PAX5: variants seen among roughly 807,000 people sequenced by gnomAD.
PAX5 encodes paired box protein Pax-5.
A neutral mutation model predicts 43.7 loss-of-function variants in PAX5; 9 were observed. The ratio of observed to expected loss-of-function variants is 0.21; its 90% confidence interval spans 0.12 to 0.36. The LOEUF is 0.36. Among genes scored for constraint, PAX5 ranks in the 10% least tolerant of loss-of-function variants. The pLI, the probability that PAX5 is intolerant of heterozygous loss-of-function variation, is 1.00. For synonymous variants in PAX5, 228 were observed against 214.3 expected (o/e 1.06, Z -0.56); for missense variants, 383 against 532.7 (o/e 0.72, Z 2.77).
intron 4 of PAX5, among the ~76,000 whole-genome samples, chr9:37,003,154 T>TAAAACAAAAAAA (rs1838067638): frequency 1.3e-5 from 1 of 75,848 alleles, no homozygotes; most frequent in South Asian, 6.3e-4. Flanking sequence ...AGTCAGTGCT[T>TAAAACAAAAAAA]AAAAAAAAAA....
At position 36,899,962 on chromosome 9, in the gene PAX5, G is replaced by A. The variant is rs1299013357; in HGVS notation, c.911-17857C>T. Among the ~76,000 whole-genome samples, 2 of 152,212 alleles carry A rather than the reference G, an allele frequency of 1.3e-5. 1 individual carries two copies. The highest frequency in any genetic ancestry group is 2.9e-5 in the Non-Finnish European group (2 of 68,048). On this transcript the variant is annotated intron_variant, in intron 7 of 9. Transcript: ENST00000358127. ...TGCCTCAAATCCTGTGGAAATGGAT[G>A]GGCTATGGGAGATAACTGGCTGGAA...
At chr9:36,859,596 G>A (rs73648140) in intron 8 of PAX5, among the ~76,000 whole-genome samples, 5,091 of 152,110 alleles carry the variant, frequency 0.033, 91 homozygotes, top group Middle Eastern at 0.051. Flanking sequence ...CTCCCTCCCC[G>A]GCTCCTCACC....
intron 5 of PAX5, among the ~76,000 whole-genome samples, chr9:36,994,339 C>T (rs969424852): frequency 6.6e-6 from 1 of 152,232 alleles, no homozygotes; most frequent in Non-Finnish European, 1.5e-5. Flanking sequence ...TTGGGCCAAG[C>T]CTGCGCCCTC....
At position 37,034,072 on chromosome 9, in the gene PAX5, T is replaced by C. The variant is rs769806229; in HGVS notation, c.-41A>G. On this transcript the variant is annotated 5_prime_UTR_variant, in exon 1 of 10. Transcript: ENST00000358127. ...CTTGATGGAATGGACAGGGAAAAGT[T>C]TCCACTTTTTTGTGCCTTTTTTTTT... 2 of 1,216,358 alleles carry C rather than the reference T, an allele frequency of 1.6e-6. No homozygotes were observed. The highest frequency in any genetic ancestry group is 2.4e-5 in the East Asian group (1 of 42,538). The allele number at this position is 1,216,358 out of a possible 1,614,324, so 75.3% of individuals were successfully genotyped here. A position where few individuals can be genotyped will look rare whatever the true frequency, so the allele number is the denominator to read the frequency against.
At chr9:37,027,726 C>A (rs1389500894) in intron 1 of PAX5, among the ~76,000 whole-genome samples, 4 of 152,238 alleles carry the variant, frequency 2.6e-5, no homozygotes, top group African/African-American at 7.2e-5. Flanking sequence ...GGGCTCAGCT[C>A]CCTCCGGGCG....
At chr9:36,924,184 C>T (rs979637006) in intron 6 of PAX5, among the ~76,000 whole-genome samples, 1 of 152,230 alleles carries the variant, frequency 6.6e-6, no homozygotes, top group African/African-American at 2.4e-5. Flanking sequence ...ATCTAATTTA[C>T]CAAGTCCACA....
intron 8 of PAX5, among the ~76,000 whole-genome samples, chr9:36,858,885 C>T (rs540381411): frequency 1.3e-5 from 2 of 152,268 alleles, no homozygotes; most frequent in African/African-American, 2.4e-5. Context: ...AATGTCCCGC[C>T]GCTGACTAAT....
chr9:37,004,218 G>A lies in PAX5; in HGVS notation c.476-1442C>T, dbSNP rs1002675111. Among the ~76,000 whole-genome samples, 12 of 152,238 alleles carry A rather than the reference G, an allele frequency of 7.9e-5. No homozygotes were observed. In the East Asian group the frequency reaches 2.3e-3, roughly 29 times the overall value. ...AGTTCCTAAGAATAAGAATTGGATG[G>A]GAGGTGGGGGGCAACTTTTGTGCAA... On this transcript the variant is annotated intron_variant, in intron 4 of 9. Coordinates refer to ENST00000358127, the MANE Select transcript of PAX5 (RefSeq NM_016734.3).
chr9:37,002,873 G>C, intron 4 of PAX5, 97 bp from the exon 5 acceptor site: 3 of 1,436,044 alleles, frequency 2.1e-6, no homozygotes, highest in South Asian at 2.7e-5. Context: ...GGGAGGGAGC[G>C]AGCGCAGGGT....
At chr9:37,002,605 C>T (rs1407645842) in intron 5 of PAX5, 43 bp downstream of exon 5, 1 of 1,588,092 alleles carries the variant, frequency 6.3e-7, no homozygotes, top group East Asian at 2.3e-5. Context: ...GAAACAGACC[C>T]CGTGGAGCGC....
chr9:37,024,226 G>C (rs781154520), intron 1 of PAX5, among the ~76,000 whole-genome samples: 8 of 152,196 alleles, frequency 5.3e-5, no homozygotes, highest in Non-Finnish European at 8.8e-5. Flanking sequence ...CTCAGGAAGA[G>C]AGCAGGAGGT....
chr9:36,894,061 G>A (rs1045072188), intron 7 of PAX5, among the ~76,000 whole-genome samples: 5 of 152,262 alleles, frequency 3.3e-5, no homozygotes, highest in Non-Finnish European at 7.4e-5. Context: ...GTTGCTGATC[G>A]AGACCCGCCA....
intron 6 of PAX5, among the ~76,000 whole-genome samples, chr9:36,941,090 G>C (rs1832008484): frequency 6.6e-6 from 1 of 152,226 alleles, no homozygotes; most frequent in South Asian, 2.1e-4. Context: ...TGTAGGGTAA[G>C]AGAAAGCACG....
chr9:37,033,939 G>A (rs1203759814), intron 1 of PAX5, 47 bp downstream of exon 1: 3 of 1,596,276 alleles, frequency 1.9e-6, no homozygotes, highest in Non-Finnish European at 1.7e-6. Flanking sequence ...CCAAGGCCTG[G>A]CCGTGTCCCG....
chr9:36,972,781 A>C (rs1202221106), intron 5 of PAX5, among the ~76,000 whole-genome samples: 1 of 152,222 alleles, frequency 6.6e-6, no homozygotes, highest in Non-Finnish European at 1.5e-5. Flanking sequence ...TAATCCCAGC[A>C]CTTTGGGAGG....
intron 7 of PAX5, among the ~76,000 whole-genome samples, chr9:36,887,949 T>A (rs1417588271): frequency 6.6e-6 from 1 of 152,156 alleles, no homozygotes; most frequent in Non-Finnish European, 1.5e-5. Flanking sequence ...AATCCAATTT[T>A]AAAATGAGCA....
intron 6 of PAX5, among the ~76,000 whole-genome samples, chr9:36,935,067 T>C (rs1799053587): frequency 6.6e-6 from 1 of 152,208 alleles, no homozygotes; most frequent in Non-Finnish European, 1.5e-5. Flanking sequence ...TCCAGAAATG[T>C]ACTCATGGCC....
At chr9:36,894,587 G>A (rs939434967) in intron 7 of PAX5, among the ~76,000 whole-genome samples, 3 of 152,112 alleles carry the variant, frequency 2.0e-5, no homozygotes, top group Non-Finnish European at 2.9e-5. Context: ...AAGTCATTTC[G>A]CCTCTCTGTG....
chr9:36,918,716 C>T (rs1829907511), intron 7 of PAX5, among the ~76,000 whole-genome samples: 1 of 152,078 alleles, frequency 6.6e-6, no homozygotes. Context: ...TTAACAAAAG[C>T]CTAATCCAGA....
Sources: gnomAD v4.1 joint callset for allele counts (sites outside exome capture counted in the v4.1 genomes callset) on GRCh38, gnomAD v4.1.1 for gene constraint, MANE v1.5 for transcripts, NCBI Gene and HGNC (gene_info 2026-07-23, HGNC 2026-07-21) for gene names.